ARHGAP6: variants seen among roughly 807,000 people sequenced by gnomAD.
ARHGAP6 encodes the protein rho GTPase-activating protein 6.
A neutral mutation model predicts 55.7 loss-of-function variants in ARHGAP6; 16 were observed. That is an observed-to-expected ratio of 0.29 (90% CI 0.19 to 0.44). The LOEUF (loss-of-function observed/expected upper bound fraction) is 0.44, where lower values mean the gene tolerates loss of function less well. Among genes scored for constraint, ARHGAP6 ranks in the 20% least tolerant of loss-of-function variants. The probability of loss-of-function intolerance (pLI) is 1.00; values close to 1 mark genes in which losing one functional copy is unlikely to be tolerated. For missense variants in ARHGAP6, 698 were observed against 808.9 expected (o/e 0.86, Z 1.66); for synonymous variants, 382 against 360.9 (o/e 1.06, Z -0.66).
At chrX:11,328,315 G>A (rs2048522256) in intron 1 of ARHGAP6, among the ~76,000 whole-genome samples, 1 of 112,046 alleles carries the variant, frequency 8.9e-6, no homozygotes, top group Non-Finnish European at 1.9e-5. Context: ...GGAGAGGGTA[G>A]GGAACATTAA....
chrX:11,244,151 A>C (rs1221164224), intron 2 of ARHGAP6, among the ~76,000 whole-genome samples: 1 of 112,475 alleles, frequency 8.9e-6, no homozygotes, highest in Non-Finnish European at 1.9e-5. Flanking sequence ...AGTATAGTTG[A>C]ACAACTGCAT....
chrX:11,463,243 G>A (rs1603219288), intron 1 of ARHGAP6, among the ~76,000 whole-genome samples: 3 of 111,973 alleles, frequency 2.7e-5, no homozygotes. Flanking sequence ...GGTGTGGGTG[G>A]GGCGTGTGGA....
chrX:11,488,821 C>G (rs1398605392), intron 1 of ARHGAP6, among the ~76,000 whole-genome samples: 2 of 111,648 alleles, frequency 1.8e-5, no homozygotes, highest in Non-Finnish European at 3.8e-5. Flanking sequence ...AACCATCCCC[C>G]CCACAACCCT....
intron 1 of ARHGAP6, among the ~76,000 whole-genome samples, chrX:11,637,847 A>G (rs992020494): frequency 2.7e-5 from 3 of 110,917 alleles, no homozygotes; most frequent in African/African-American, 9.8e-5. Context: ...GATTCTCTCA[A>G]ATTGGTTTCA....
chrX:11,451,737 A>G (rs2050145794), intron 1 of ARHGAP6, among the ~76,000 whole-genome samples: 1 of 111,898 alleles, frequency 8.9e-6, no homozygotes, highest in African/African-American at 3.3e-5. Flanking sequence ...CACCTTGGTA[A>G]CAATCTGCCC....
At chrX:11,172,489 A>G (rs1352860687) in intron 8 of ARHGAP6, among the ~76,000 whole-genome samples, 1 of 106,867 alleles carries the variant, frequency 9.4e-6, no homozygotes, top group African/African-American at 3.3e-5. Flanking sequence ...GTAAAGTCAT[A>G]TTAGGGTTTT....
At chrX:11,212,823 A>T (rs1224969943) in intron 2 of ARHGAP6, among the ~76,000 whole-genome samples, 1 of 112,005 alleles carries the variant, frequency 8.9e-6, no homozygotes, top group Non-Finnish European at 1.9e-5. Context: ...AAGATTAAAT[A>T]AAAAAATATA....
At chrX:11,649,036 G>A (rs1428488320) in intron 1 of ARHGAP6, among the ~76,000 whole-genome samples, 5 of 112,302 alleles carry the variant, frequency 4.5e-5, no homozygotes, top group Admixed American at 9.4e-5. Context: ...CCTTTAGCTC[G>A]TGGCAGATTA....
intron 1 of ARHGAP6, among the ~76,000 whole-genome samples, chrX:11,498,119 A>G (rs961409243): frequency 8.9e-6 from 1 of 112,117 alleles, no homozygotes; most frequent in Non-Finnish European, 1.9e-5. Context: ...CTGAAATATT[A>G]TCCCATAATT....
At chrX:11,400,279 C>T (rs2049531219) in intron 1 of ARHGAP6, among the ~76,000 whole-genome samples, 2 of 111,163 alleles carry the variant, frequency 1.8e-5, no homozygotes, top group African/African-American at 6.5e-5. Context: ...TGCAGGAGTT[C>T]AGTGGAGAAG....
At chrX:11,590,862 A>AAAAGAAAAGAAGG (rs1569410930) in intron 1 of ARHGAP6, among the ~76,000 whole-genome samples, 1 of 20,222 alleles carries the variant, frequency 4.9e-5, no homozygotes, top group African/African-American at 3.6e-4. Context: ...AAAAGAAAAG[A>AAAAGAAAAGAAGG]AAAGAAGGAA....
Position 11,408,929 on chromosome X carries a change from A to G in ARHGAP6, c.589-154222T>C, listed in dbSNP as rs765905047. Among the ~76,000 whole-genome samples, 12 of 109,795 alleles carry G rather than the reference A, an allele frequency of 1.1e-4. No individual in the cohort carries two copies. The East Asian group carries it at 2.0e-3, about 18-fold the overall frequency. On this transcript the variant is annotated intron_variant, in intron 1 of 12. Coordinates refer to ENST00000337414, the MANE Select transcript of ARHGAP6 (RefSeq NM_013427.3). ...CACATACACACACACACACACACGCACACACACACACGCATCCTCCAACCC... is the reference window on the plus strand; with the variant it reads ...CACATACACACACACACACACACGCGCACACACACACGCATCCTCCAACCC...
chrX:11,240,342 G>A (rs1400127482), intron 2 of ARHGAP6, among the ~76,000 whole-genome samples: 1 of 111,860 alleles, frequency 8.9e-6, no homozygotes, highest in Non-Finnish European at 1.9e-5. Context: ...ATAGAAAAGA[G>A]GAATAGTAAT....
intron 1 of ARHGAP6, among the ~76,000 whole-genome samples, chrX:11,413,520 C>T (rs1164915083): frequency 6.2e-5 from 7 of 112,084 alleles, no homozygotes; most frequent in African/African-American, 1.3e-4. Flanking sequence ...TGTGGCTGAG[C>T]GCTCAGCAAG....
At chrX:11,176,248 TATATATA>T (rs2046213693) in intron 8 of ARHGAP6, among the ~76,000 whole-genome samples, 3 of 68,163 alleles carry the variant, frequency 4.4e-5, no homozygotes, top group African/African-American at 1.5e-4. Flanking sequence ...TATATATATA[TATATATA>T]TATATATATT....
intron 1 of ARHGAP6, among the ~76,000 whole-genome samples, chrX:11,600,691 G>A (rs987651331): frequency 8.9e-6 from 1 of 112,482 alleles, no homozygotes; most frequent in African/African-American, 3.2e-5. Flanking sequence ...AACTCTGAGA[G>A]GTGTTCTATA....
At chrX:11,321,889 A>G (rs1437190987) in intron 1 of ARHGAP6, among the ~76,000 whole-genome samples, 1 of 112,412 alleles carries the variant, frequency 8.9e-6, no homozygotes, top group East Asian at 2.8e-4. Context: ...GATCATAAAT[A>G]TTACAGCTGC....
chrX:11,529,204 G>C (rs962515624), intron 1 of ARHGAP6, among the ~76,000 whole-genome samples: 2 of 111,553 alleles, frequency 1.8e-5, no homozygotes, highest in African/African-American at 6.5e-5. Context: ...CCTGGTTTAA[G>C]GTCAGTTCGA....
chrX:11,518,165 G>A (rs2050865166), intron 1 of ARHGAP6, among the ~76,000 whole-genome samples: 1 of 110,268 alleles, frequency 9.1e-6, no homozygotes. Context: ...TTCCTTGACA[G>A]GGTCTTGGTC....
Sources: allele counts gnomAD v4.1 joint callset (sites outside exome capture counted in the v4.1 genomes callset), GRCh38; gene constraint gnomAD v4.1.1; transcripts MANE v1.5; gene names NCBI Gene and HGNC (gene_info 2026-07-23, HGNC 2026-07-21).